Variants in COL28A1 observed in about 807,000 individuals in gnomAD.
COL28A1 encodes the protein collagen type XXVIII alpha 1 chain, also known as collagen alpha-1(XXVIII) chain.
A neutral mutation model predicts 150.2 loss-of-function variants in COL28A1; 161 were observed. That is an observed-to-expected ratio of 1.07 (90% CI 0.94 to 1.22). The LOEUF (loss-of-function observed/expected upper bound fraction) is 1.22, where lower values mean the gene tolerates loss of function less well. Ranked by LOEUF, COL28A1 falls within the 50% of genes most tolerant of loss-of-function variation. The pLI, the probability that COL28A1 is intolerant of heterozygous loss-of-function variation, is 0.00. For missense variants in COL28A1, 1,617 were observed against 1,388.3 expected (o/e 1.16, Z -2.62); for synonymous variants, 552 against 469.7 (o/e 1.18, Z -2.26).
chr7:7,412,528 G>A (rs1344463294), intron 27 of COL28A1, among the ~76,000 whole-genome samples: 1 of 152,108 alleles, frequency 6.6e-6, no homozygotes. Flanking sequence ...TAGCGAAAGG[G>A]AAGGGAAGCA....
chr7:7,537,741 G>A (rs567973321), upstream of COL28A1, among the ~76,000 whole-genome samples: 7 of 152,250 alleles, frequency 4.6e-5, no homozygotes, highest in South Asian at 6.2e-4. Context: ...AAGAAGAAAC[G>A]GTGGGTATAA....
chr7:7,441,292 T>C (rs1785766424), intron 20 of COL28A1, among the ~76,000 whole-genome samples: 1 of 152,124 alleles, frequency 6.6e-6, no homozygotes, highest in African/African-American at 2.4e-5. Context: ...CCCTATTTCG[T>C]CCTCACTGGG....
chr7:7,438,491 G>C (rs974691398), intron 21 of COL28A1, among the ~76,000 whole-genome samples: 8 of 152,140 alleles, frequency 5.3e-5, no homozygotes, highest in Admixed American at 4.6e-4. Flanking sequence ...TGATTCAATA[G>C]CTCTAGAGGT....
rs57792544 is a variant in COL28A1 at position 7,381,014 on chromosome 7, T to C, written c.2206-152A>G. 8.5e-3 allele frequency: 5,428 copies of C among 642,258 alleles called. 222 individuals are homozygous for C. In the African/African-American group the frequency reaches 0.088, roughly 10 times the overall value. The allele number at this position is 642,258 out of a possible 1,614,324, so 39.8% of individuals were successfully genotyped here. On this transcript the variant is annotated intron_variant, in intron 28 of 34. Transcript: ENST00000399429. ...GCAGTATTTGAAAAAAAATTGGGGGTAACTTATTTACATCCCATCAGATAC... is the reference window on the plus strand; with the variant it reads ...GCAGTATTTGAAAAAAAATTGGGGGCAACTTATTTACATCCCATCAGATAC...
At chr7:7,511,316 T>C (rs575717240) in intron 8 of COL28A1, among the ~76,000 whole-genome samples, 181 bp from the exon 9 acceptor site, 1 of 152,316 alleles carries the variant, frequency 6.6e-6, no homozygotes, top group Non-Finnish European at 1.5e-5. Flanking sequence ...TGAATATTTT[T>C]ACCCAAGAGT....
At chr7:7,522,841 C>A (rs962802931) in intron 4 of COL28A1, among the ~76,000 whole-genome samples, 2 of 89,746 alleles carry the variant, frequency 2.2e-5, no homozygotes, top group East Asian at 3.3e-4. Context: ...AAAAAAGGGC[C>A]GTGCATACAT....
intron 9 of COL28A1, among the ~76,000 whole-genome samples, chr7:7,510,831 C>T (rs2071042099): frequency 6.6e-6 from 1 of 152,160 alleles, no homozygotes; most frequent in South Asian, 2.1e-4. Flanking sequence ...TTTACCATAA[C>T]ATTCAGTGGG....
intron 15 of COL28A1, among the ~76,000 whole-genome samples, chr7:7,473,845 GTGTT>G (rs1328396575): frequency 4.6e-5 from 7 of 150,820 alleles, no homozygotes; most frequent in East Asian, 3.9e-4. Context: ...TACAGTGTGT[GTGTT>G]TGTTTATATA....
chr7:7,391,890 G>A (rs1228810333), intron 27 of COL28A1, among the ~76,000 whole-genome samples: 1 of 150,146 alleles, frequency 6.7e-6, no homozygotes, highest in African/African-American at 2.5e-5. Flanking sequence ...TTGCACATGA[G>A]ATGGGTCTCC....
chr7:7,500,434 G>T (rs1453619559), intron 11 of COL28A1, among the ~76,000 whole-genome samples: 2 of 152,164 alleles, frequency 1.3e-5, no homozygotes, highest in Non-Finnish European at 2.9e-5. Flanking sequence ...CAAATCTTCT[G>T]ATTTAGACTT....
chr7:7,377,314 A>G (rs1321839754), intron 30 of COL28A1, among the ~76,000 whole-genome samples: 5 of 152,192 alleles, frequency 3.3e-5, no homozygotes, highest in African/African-American at 1.2e-4. Context: ...CTGAATAACT[A>G]CCTTGGCTAC....
the COL28A1 span, among the ~76,000 whole-genome samples, chr7:7,343,829 G>A: frequency 3.9e-5 from 6 of 151,910 alleles, no homozygotes; most frequent in Non-Finnish European, 8.8e-5. Context: ...GCAACATAGT[G>A]AGACTTGATC....
chr7:7,506,812 C>G (rs1218551814), intron 10 of COL28A1, among the ~76,000 whole-genome samples: 1 of 152,182 alleles, frequency 6.6e-6, no homozygotes, highest in Non-Finnish European at 1.5e-5. Context: ...CTTTTAACCA[C>G]TTGACTTTCC....
At chr7:7,486,299 T>A (rs370708320) in intron 13 of COL28A1, among the ~76,000 whole-genome samples, 1 of 152,216 alleles carries the variant, frequency 6.6e-6, no homozygotes, top group Non-Finnish European at 1.5e-5. Flanking sequence ...TTGTACCCTG[T>A]GACCTTGCTG....
In COL28A1 at chr7:7,477,155, GGTACTCCCTCAGGACCAC is replaced by G; in HGVS notation, c.1172_1189del (p.Arg391_Val396del). 7.5e-7 allele frequency: 1 copy of G among 1,336,186 alleles called. No individual in the cohort carries two copies. The highest frequency in any genetic ancestry group is 1.1e-6 in the Non-Finnish European group (1 of 925,906). 82.8% of individuals were successfully genotyped at this position (1,336,186 alleles called of 1,614,324 possible). On this transcript the variant is annotated inframe_deletion, in exon 14 of 35. Transcript: ENST00000399429. Reference sequence around the variant, plus strand: ...TTCTCCGGGTAAGCCCCTCTCTCCTGGTACTCCCTCAGGACCACGGGGACCCTGGTTAGGATAGGAGAA... The same window carrying G: ...TTCTCCGGGTAAGCCCCTCTCTCCTGGGGGACCCTGGTTAGGATAGGAGAA...
rs1336987267 is a variant in COL28A1, at chr7:7,373,298, A to G, written c.2608T>C (p.Tyr870His). ...DFKLAVDNMQ[Y>H]LGEGTYTATA... is the part of the protein sequence containing the mutation. ...GCTGTGTATGTGCCTTCCCCCAGATACTGCATGTTGTCCACAGCCAACTTG... is the reference window on the plus strand; with the variant it reads ...GCTGTGTATGTGCCTTCCCCCAGATGCTGCATGTTGTCCACAGCCAACTTG... Residue 870 changes from tyrosine to histidine, a missense_variant, in exon 32 of 35, where the codon TAT (tyrosine) becomes CAT (histidine). Tyr to His is a moderately conservative substitution (Grantham distance 83). Transcript: ENST00000399429. This position sits in a 1 kb window ranked among gnomAD's most constrained non-coding sequence, Gnocchi z 4.1. The G allele has an allele frequency of 2.5e-6, 4 of 1,613,992 alleles. No homozygotes were observed. In the African/African-American group the frequency reaches 5.3e-5, roughly 22 times the overall value.
intron 19 of COL28A1, among the ~76,000 whole-genome samples, chr7:7,443,983 G>A (rs1243219011): frequency 1.7e-5 from 2 of 120,636 alleles, no homozygotes; most frequent in Admixed American, 1.7e-4. Flanking sequence ...CTTTCCATCT[G>A]CTGTTTTTTT....
Position 7,437,408 on chromosome 7 carries a change from G to A in COL28A1, c.1777C>T (p.Pro593Ser), listed in dbSNP as rs756297559. 6 of 1,613,254 alleles carry A rather than the reference G, an allele frequency of 3.7e-6. No individual in the cohort carries two copies. Among genetic ancestry groups the A allele is most frequent in the Non-Finnish European group, 5.1e-6 (6 of 1,179,780 alleles). The change falls in exon 22 of 35, where the codon CCA becomes TCA. Residue 593 changes from proline to serine, a missense_variant. By Grantham distance (74) the Pro-to-Ser change is moderately conservative (BLOSUM62 -1). Coordinates refer to ENST00000399429, the MANE Select transcript of COL28A1 (RefSeq NM_001037763.3). ...FGMPGTSIPGPPGPKGDRGGP... is the reference protein window; with the variant it reads ...FGMPGTSIPGSPGPKGDRGGP... ...AGAATATATACCTTTGGCCCAGGTG[G>A]TCCAGGAATTGATGTTCCAGGCATT...
intron 11 of COL28A1, among the ~76,000 whole-genome samples, chr7:7,495,656 A>G (rs1234615248): frequency 6.6e-6 from 1 of 151,986 alleles, no homozygotes; most frequent in Non-Finnish European, 1.5e-5. Flanking sequence ...CCCAACACCT[A>G]TCAGTATGCC....
Sources: allele counts gnomAD v4.1 joint callset (sites outside exome capture counted in the v4.1 genomes callset), GRCh38; gene constraint gnomAD v4.1.1; non-coding constraint Gnocchi (gnomAD v3.1); transcripts MANE v1.5; gene names NCBI Gene and HGNC (gene_info 2026-07-23, HGNC 2026-07-21).